The following MEIOB variants were observed in gnomAD, a reference collection of about 807,000 sequenced individuals.
MEIOB encodes meiosis specific with OB-fold.
In MEIOB, 50 loss-of-function variants were observed where a neutral mutation model predicts 53.1. The ratio of observed to expected loss-of-function variants is 0.94; its 90% CI spans 0.75 to 1.19. The LOEUF is 1.19. Ranked by LOEUF, MEIOB falls within the 50% of genes most tolerant of loss-of-function variation. The pLI is 0.00. For synonymous variants in MEIOB, 192 were observed against 182.5 expected (o/e 1.05, Z -0.42); for missense variants, 551 against 550.8 (o/e 1.00, Z 0.00).
chr16:1,841,789 T>C (rs1297032525), intron 11 of MEIOB, 31 bp downstream of exon 11: 4 of 1,450,264 alleles, frequency 2.8e-6, no homozygotes, highest in Non-Finnish European at 3.7e-6. Flanking sequence ...CTTACAAAAA[T>C]GAATTTGCTA....
intron 3 of MEIOB, among the ~76,000 whole-genome samples, 168 bp from the exon 4 acceptor site, chr16:1,862,284 A>G (rs1161892698): frequency 6.6e-6 from 1 of 152,220 alleles, no homozygotes; most frequent in Non-Finnish European, 1.5e-5. Flanking sequence ...TACATAGTAC[A>G]AAATGTTCTT....
chr16:1,849,139 G>A (rs1009706293), intron 9 of MEIOB, among the ~76,000 whole-genome samples: 7 of 152,006 alleles, frequency 4.6e-5, no homozygotes, highest in Non-Finnish European at 7.4e-5. Flanking sequence ...ACAAAAATTA[G>A]GCTGGGCACA....
chr16:1,845,244 G>T (rs1419288793), intron 9 of MEIOB, among the ~76,000 whole-genome samples: 2 of 152,188 alleles, frequency 1.3e-5, no homozygotes, highest in East Asian at 1.9e-4. Flanking sequence ...AAGGGACCGG[G>T]CGCAGTGGCT....
chr16:1,853,306 A>G, intron 7 of MEIOB, 35 bp from the exon 8 acceptor site: 1 of 1,444,206 alleles, frequency 6.9e-7, no homozygotes, highest in Non-Finnish European at 9.5e-7. Context: ...TACAAATTGA[A>G]TACACTAGAA....
chr16:1,834,350 CTG>C lies in MEIOB; in HGVS notation c.1320_1321del (p.His440GlnfsTer9). 6.2e-7 allele frequency: 1 copy of C among 1,605,892 alleles called. No individual in the cohort carries two copies. The highest frequency in any genetic ancestry group is 8.5e-7 in the Non-Finnish European group (1 of 1,173,094). Reference sequence around the variant, plus strand: ...ACTAATTTTCAATCCACTCCTTGCTCTGTGTGATAGAACGAACTGCGAGGAGA... The same window carrying C: ...ACTAATTTTCAATCCACTCCTTGCTCTGTGATAGAACGAACTGCGAGGAGA... On this transcript the variant is annotated frameshift_variant, in exon 14 of 14. Transcript: ENST00000325962. LOFTEE classifies it high-confidence loss of function.
chr16:1,868,114 G>T lies in MEIOB; in HGVS notation c.62C>A (p.Ala21Asp). The part of the protein sequence containing the change: ...TTLSDLQTNM[A>D]NLKVIGIVIG... ...CACATTATTGAAACCTACCAGATTA[G>T]CCATATTTGTCTGCAGATCTGAAAG... Residue 21 changes from alanine to aspartate, a missense_variant, in exon 2 of 14, where the codon GCT becomes GAT. Ala to Asp is a moderately radical substitution (Grantham distance 126). Coordinates refer to ENST00000325962, the MANE Select transcript of MEIOB (RefSeq NM_001163560.3). 6.6e-7 allele frequency: 1 copy of T among 1,515,962 alleles called. No individual in the cohort carries two copies. The allele number at this position is 1,515,962 out of a possible 1,614,324, so 93.9% of individuals were successfully genotyped here. A position where few individuals can be genotyped will look rare whatever the true frequency, so the allele number is the denominator to read the frequency against.
chr16:1,835,624 A>G (rs1381022606), intron 13 of MEIOB, among the ~76,000 whole-genome samples: 1 of 152,124 alleles, frequency 6.6e-6, no homozygotes, highest in Non-Finnish European at 1.5e-5. Flanking sequence ...ACACGTTCAG[A>G]GCTGTCTGAT....
At chr16:1,868,938 T>G (rs1320288507) in intron 1 of MEIOB, among the ~76,000 whole-genome samples, 1 of 152,136 alleles carries the variant, frequency 6.6e-6, no homozygotes, top group Non-Finnish European at 1.5e-5. Context: ...TTTATTATAA[T>G]GGTAAAATGT....
chr16:1,853,482 C>A (rs1271606474), intron 7 of MEIOB, among the ~76,000 whole-genome samples: 2 of 152,180 alleles, frequency 1.3e-5, no homozygotes, highest in Admixed American at 1.3e-4. Context: ...ACACACTCTC[C>A]TCTAGTAATA....
chr16:1,835,940 A>G (rs1350097226), intron 13 of MEIOB, among the ~76,000 whole-genome samples: 1 of 148,352 alleles, frequency 6.7e-6, no homozygotes, highest in Non-Finnish European at 1.5e-5. Flanking sequence ...GCTCACTGCA[A>G]CCTCTGCCTC....
intron 1 of MEIOB, 95 bp from the exon 2 acceptor site, chr16:1,868,279 G>A (rs897509975): frequency 1.0e-4 from 68 of 651,948 alleles, no homozygotes; most frequent in Admixed American, 7.8e-4. Flanking sequence ...ATTTAGGGCC[G>A]GACATGGTGG....
At chr16:1,869,701 T>C (rs1899687575) in intron 1 of MEIOB, among the ~76,000 whole-genome samples, 1 of 151,462 alleles carries the variant, frequency 6.6e-6, no homozygotes. Flanking sequence ...TCCGCCCACC[T>C]CGGCCTCCCA....
chr16:1,846,826 G>A (rs914350073), intron 9 of MEIOB, among the ~76,000 whole-genome samples: 3 of 152,112 alleles, frequency 2.0e-5, no homozygotes, highest in Admixed American at 6.6e-5. Context: ...GGGAGGGAGA[G>A]CATCAGGACA....
chr16:1,853,264 T>A lies in MEIOB; in HGVS notation c.637A>T (p.Asn213Tyr). The change falls in exon 8 of 14, where the codon AAT (asparagine) becomes TAT (tyrosine). Residue 213 changes from asparagine (N) to tyrosine (Y), a missense_variant. Asn to Tyr is a moderately radical substitution (Grantham distance 143). Transcript: ENST00000325962. The part of the protein sequence containing the change: ...ESSFAMTCWD[N>Y]ESILLAQSWM... The stretch of plus-strand genomic sequence containing the variant: ...CTCTGTGCAAGTAGAATGGATTCAT[T>A]ATCCCAACTGCATTTGTTTAAAAAG... The A allele has an allele frequency of 3.2e-6, 5 of 1,548,528 alleles. No individual in the cohort carries two copies. Among genetic ancestry groups the A allele is most frequent in the Non-Finnish European group, 4.4e-6 (5 of 1,143,756 alleles).
At chr16:1,861,335 G>A (rs77766104) in intron 4 of MEIOB, among the ~76,000 whole-genome samples, 1 of 152,086 alleles carries the variant, frequency 6.6e-6, no homozygotes, top group Admixed American at 6.6e-5. Flanking sequence ...AATCTATTCA[G>A]TGGTCAAATG....
chr16:1,848,116 T>A (rs969900732), intron 9 of MEIOB, among the ~76,000 whole-genome samples: 9 of 151,878 alleles, frequency 5.9e-5, no homozygotes, highest in Non-Finnish European at 1.5e-5. Context: ...CCCAGCTATT[T>A]TTTTTTAATT....
At chr16:1,842,623 C>CAAAAAAAAAAAAAAAAAGA (rs202147878) in intron 10 of MEIOB, among the ~76,000 whole-genome samples, 1 of 97,776 alleles carries the variant, frequency 1.0e-5, no homozygotes, top group Admixed American at 9.5e-5. Flanking sequence ...AACTCCATCT[C>CAAAAAAAAAAAAAAAAAGA]AAAAAGACAG....
In MEIOB at chr16:1,857,223, G is replaced by A. The variant is rs565600536; in HGVS notation, c.528+512C>T. Among the ~76,000 whole-genome samples, 156 of 152,266 alleles carry A rather than the reference G, an allele frequency of 1.0e-3. 7 individuals are homozygous for A. The South Asian group carries it at 0.032, about 31-fold the overall frequency. ...AGGGAACACCCCCCTGGTGCCCCAC[G>A]GAGGGCCATCCTCCCGTGCACCTCA... On this transcript the variant is annotated intron_variant, in intron 6 of 13. Transcript: ENST00000325962.
At chr16:1,865,015 G>A (rs1200388448) in intron 3 of MEIOB, among the ~76,000 whole-genome samples, 1 of 152,172 alleles carries the variant, frequency 6.6e-6, no homozygotes, top group Non-Finnish European at 1.5e-5. Context: ...AAAGATAAAA[G>A]CATCATGCCT....
Sources: gnomAD v4.1 joint callset for allele counts (sites outside exome capture counted in the v4.1 genomes callset) on GRCh38, gnomAD v4.1.1 for gene constraint, MANE v1.5 for transcripts, NCBI Gene and HGNC (gene_info 2026-07-23, HGNC 2026-07-21) for gene names.